WDFY3: variants seen among roughly 807,000 people sequenced by gnomAD.
WDFY3 encodes WD repeat and FYVE domain containing 3, also known as WD repeat and FYVE domain-containing protein 3.
A neutral mutation model predicts 409.6 loss-of-function variants in WDFY3; 66 were observed. The observed-to-expected ratio is 0.16, with a 90% CI of 0.13 to 0.20. WDFY3 has a LOEUF of 0.20. Ranked by LOEUF, WDFY3 falls within the 10% of genes least tolerant of loss-of-function variation. The pLI is 1.00. For synonymous variants in WDFY3, 1,521 were observed against 1,537.1 expected (o/e 0.99, Z 0.25); for missense variants, 3,031 against 4,298.1 (o/e 0.71, Z 8.24).
chr4:84,786,248 T>C (rs940219099), intron 23 of WDFY3, 109 bp from the exon 24 acceptor site: 1 of 1,096,192 alleles, frequency 9.1e-7, no homozygotes, highest in Non-Finnish European at 1.3e-6. Flanking sequence ...AGTCTTAAAG[T>C]AGAATAAGAG....
chr4:84,931,707 T>A (rs1432042792), intron 2 of WDFY3, among the ~76,000 whole-genome samples: 1 of 151,966 alleles, frequency 6.6e-6, no homozygotes, highest in African/African-American at 2.4e-5. Context: ...AACAACATGA[T>A]CAAAAAGGTA....
intron 1 of WDFY3, among the ~76,000 whole-genome samples, chr4:84,933,664 C>G (rs1249407085): frequency 6.6e-6 from 1 of 152,014 alleles, no homozygotes; most frequent in Non-Finnish European, 1.5e-5. Context: ...ACTATCCCCG[C>G]TCTTGCCCCA....
intron 1 of WDFY3, among the ~76,000 whole-genome samples, chr4:84,946,699 C>T (rs1772872295): frequency 6.6e-6 from 1 of 152,182 alleles, no homozygotes; most frequent in Non-Finnish European, 1.5e-5. Flanking sequence ...TGGGAATGAC[C>T]CCCAGCACCG....
chr4:84,849,027 G>T (rs960327326), intron 5 of WDFY3, among the ~76,000 whole-genome samples: 1 of 152,054 alleles, frequency 6.6e-6, no homozygotes, highest in Admixed American at 6.6e-5. Flanking sequence ...GTTTAACTCA[G>T]GGTATGTCTA....
chr4:84,756,586 C>CAAATAAAATAAAATAAAATA (rs143555953), intron 33 of WDFY3, among the ~76,000 whole-genome samples: 6 of 129,028 alleles, frequency 4.7e-5, no homozygotes, highest in East Asian at 2.4e-4. Context: ...CTCTGTCTCA[C>CAAATAAAATAAAATAAAATA]AAATAAAATA....
chr4:84,829,879 G>A (rs893819832), intron 8 of WDFY3, among the ~76,000 whole-genome samples: 6 of 149,070 alleles, frequency 4.0e-5, no homozygotes, highest in African/African-American at 1.5e-4. Flanking sequence ...ATGAGATACA[G>A]AAATACTTTA....
intron 51 of WDFY3, 46 bp downstream of exon 51, chr4:84,713,113 C>A: frequency 6.3e-7 from 1 of 1,588,132 alleles, no homozygotes; most frequent in Non-Finnish European, 8.6e-7. Context: ...ATGAATCATC[C>A]CAACTTCACT....
At chr4:84,917,254 C>T (rs1343977627) in intron 2 of WDFY3, among the ~76,000 whole-genome samples, 1 of 152,140 alleles carries the variant, frequency 6.6e-6, no homozygotes, top group East Asian at 1.9e-4. Context: ...TAAAAGAGGT[C>T]AGGTCTGGTG....
intron 44 of WDFY3, among the ~76,000 whole-genome samples, chr4:84,729,393 A>T (rs950168766): frequency 5.3e-5 from 8 of 151,958 alleles, no homozygotes; most frequent in African/African-American, 1.9e-4. Context: ...TTAATTATGA[A>T]AATTACTCCC....
Position 84,679,063 on chromosome 4 carries a change from A to G in WDFY3, c.10003T>C (p.Ser3335Pro). ...DSGSDDSRRWSDQLSLDEKDG... is the reference protein window; with the variant it reads ...DSGSDDSRRWPDQLSLDEKDG... ...TTCTCATCTAGACTGAGCTGGTCGG[A>G]CCAGCGTCTGGAGTCGTCAGAGCCA... The change falls in exon 65 of 68, where the codon TCC (serine) becomes CCC (proline). Residue 3335 changes from serine to proline, a missense_variant. Transcript: ENST00000295888. 1 of 1,614,196 alleles carries G rather than the reference A, an allele frequency of 6.2e-7. No homozygotes were observed. The highest frequency in any genetic ancestry group is 8.5e-7 in the Non-Finnish European group (1 of 1,180,036).
At chr4:84,860,725 T>A in intron 3 of WDFY3, 103 bp from the exon 4 acceptor site, 1 of 1,041,144 alleles carries the variant, frequency 9.6e-7, no homozygotes, top group Non-Finnish European at 1.3e-6. Flanking sequence ...TAGAAAATTC[T>A]GTCTAAAATA....
chr4:84,888,813 C>A (rs1358245606), intron 3 of WDFY3, among the ~76,000 whole-genome samples: 2 of 150,546 alleles, frequency 1.3e-5, no homozygotes, highest in African/African-American at 4.9e-5. Flanking sequence ...CAGGAATCAG[C>A]AAACACTAAA....
chr4:84,759,310 T>C (rs1031903197), intron 32 of WDFY3, among the ~76,000 whole-genome samples: 7 of 151,936 alleles, frequency 4.6e-5, no homozygotes, highest in African/African-American at 7.3e-5. Flanking sequence ...TCCATATGAA[T>C]TTTAAAGTAG....
intron 5 of WDFY3, among the ~76,000 whole-genome samples, chr4:84,842,817 A>C (rs1757565493): frequency 1.3e-5 from 2 of 152,234 alleles, no homozygotes; most frequent in African/African-American, 2.4e-5. Flanking sequence ...TGTATACTTA[A>C]CACACTTCAT....
In WDFY3 at chr4:84,726,884, T is replaced by C. The variant is rs947554154; in HGVS notation, c.7249A>G (p.Thr2417Ala). 6 of 1,608,756 alleles carry C rather than the reference T, an allele frequency of 3.7e-6. No individual in the cohort carries two copies. Among genetic ancestry groups the C allele is most frequent in the Non-Finnish European group, 5.1e-6 (6 of 1,178,350 alleles). Reference sequence around the variant, plus strand: ...ACCTTTTGAGGAATATCATCGGGTGTCTCAGGCTGTTTACTTGGGATCTCA... The same window carrying C: ...ACCTTTTGAGGAATATCATCGGGTGCCTCAGGCTGTTTACTTGGGATCTCA... ...ASEIPSKQPE[T>A]PDDIPQKKPA... The change falls in exon 45 of 68, where the codon ACA becomes GCA. Residue 2417 changes from threonine to alanine, a missense_variant. Physicochemically the swap from Thr to Ala is moderately conservative, Grantham distance 58 (BLOSUM62 0). Around this residue, in one of 16 missense-constraint regions of WDFY3, gnomAD observed 127 missense variants for 144.4 expected, o/e 0.88. Transcript: ENST00000295888.
intron 61 of WDFY3, 134 bp downstream of exon 61, chr4:84,690,372 C>T (rs1483036558): frequency 1.6e-6 from 2 of 1,256,314 alleles, no homozygotes; most frequent in East Asian, 2.4e-5. Flanking sequence ...GTATTTCTAG[C>T]AACAGAACGT....
chr4:84,705,549 A>T (rs775056543), intron 53 of WDFY3, 38 bp from the exon 54 acceptor site: 1 of 1,494,916 alleles, frequency 6.7e-7, no homozygotes, highest in Non-Finnish European at 9.3e-7. Context: ...AAGTTACTAT[A>T]CACTATCTAG....
At chr4:84,862,963 T>C (rs904128590) in intron 3 of WDFY3, among the ~76,000 whole-genome samples, 1 of 152,266 alleles carries the variant, frequency 6.6e-6, no homozygotes, top group Non-Finnish European at 1.5e-5. Flanking sequence ...ACAGTATTTG[T>C]CTTTGCATGA....
At chr4:84,740,530 T>C (rs1304689457) in intron 38 of WDFY3, 114 bp from the exon 39 acceptor site, 5 of 961,664 alleles carry the variant, frequency 5.2e-6, no homozygotes, top group Non-Finnish European at 7.9e-6. Context: ...ATGCTAAGTA[T>C]GCAGGTGCTA....
Sources: allele counts gnomAD v4.1 joint callset (sites outside exome capture counted in the v4.1 genomes callset), GRCh38; gene constraint gnomAD v4.1.1; regional missense constraint gnomAD v4.1.1; transcripts MANE v1.5; gene names NCBI Gene and HGNC (gene_info 2026-07-23, HGNC 2026-07-21).